Variants in DAAM2 observed in about 807,000 individuals in gnomAD.
DAAM2 encodes the protein dishevelled associated activator of morphogenesis 2.
DAAM2 carries 39 observed loss-of-function variants against 120.7 expected under a neutral mutation model. The observed-to-expected ratio is 0.32, with a 90% confidence interval of 0.25 to 0.42. The LOEUF (loss-of-function observed/expected upper bound fraction) is 0.42, where lower values mean the gene tolerates loss of function less well. Ranked by LOEUF, DAAM2 falls within the 10% of genes least tolerant of loss-of-function variation. The pLI is 1.00. For synonymous variants in DAAM2, 488 were observed against 524.9 expected, an observed-to-expected ratio of 0.93 and a Z score of 0.96; for missense variants, 1,283 against 1,401.7, an observed-to-expected ratio of 0.92 and a Z score of 1.35.
At chr6:39,865,474 G>T (rs1764390034) in intron 5 of DAAM2, among the ~76,000 whole-genome samples, 1 of 152,230 alleles carries the variant, frequency 6.6e-6, no homozygotes, top group Non-Finnish European at 1.5e-5. Flanking sequence ...CACGGGTAGA[G>T]AAGTACTCCA....
Position 39,879,362 on chromosome 6 carries a change from T to C in DAAM2, c.1730T>C (p.Met577Thr), listed in dbSNP as rs1247681515. ...TPPGAPPCLG[M>T]GLPLPQDPYP... Reference sequence around the variant, plus strand: ...CCAGGTGCCCCACCTTGCCTCGGCATGGGCCTGCCCCTCCCTCAGGACCCC... The same window carrying C: ...CCAGGTGCCCCACCTTGCCTCGGCACGGGCCTGCCCCTCCCTCAGGACCCC... The change falls in exon 14 of 25, where the codon ATG (methionine) becomes ACG (threonine). Residue 577 changes from methionine (M) to threonine (T), a missense_variant. Met to Thr is a moderately conservative substitution (Grantham distance 81). This residue lies in a region of DAAM2 where 748 missense variants were observed against 768.6 expected (regional missense o/e 0.97). Transcript: ENST00000274867. 4 of 1,501,432 alleles carry C rather than the reference T, an allele frequency of 2.7e-6. No homozygotes were observed. The highest frequency in any genetic ancestry group is 2.7e-6 in the Non-Finnish European group (3 of 1,110,354). The allele number at this position is 1,501,432 out of a possible 1,614,324, so 93.0% of individuals were successfully genotyped here.
chr6:39,852,676 G>C (rs1004407357), intron 1 of DAAM2, among the ~76,000 whole-genome samples: 2 of 152,192 alleles, frequency 1.3e-5, no homozygotes, highest in South Asian at 2.1e-4. Context: ...GAAACCCAGC[G>C]AGGAAGACCC....
chr6:39,869,851 A>G (rs921121651), intron 7 of DAAM2, among the ~76,000 whole-genome samples: 2 of 150,516 alleles, frequency 1.3e-5, no homozygotes, highest in Admixed American at 6.7e-5. Context: ...CTAAGATGCT[A>G]ACATCACCTT....
chr6:39,884,334 A>T (rs764401372), intron 15 of DAAM2: 1 of 374,884 alleles, frequency 2.7e-6, no homozygotes, highest in Non-Finnish European at 4.8e-6. Context: ...TGCTTGTATT[A>T]TGGTTCATAT....
chr6:39,870,352 T>C lies in DAAM2; in HGVS notation c.886T>C (p.Phe296Leu). The C allele has an allele frequency of 6.4e-7, 1 of 1,572,456 alleles. No homozygotes were observed. Among genetic ancestry groups the C allele is most frequent in the South Asian group, 1.2e-5 (1 of 85,526 alleles). The change falls in exon 8 of 25, where the codon TTC becomes CTC. Residue 296 changes from phenylalanine to leucine, a missense_variant. This residue lies in a region of DAAM2 where 338 missense variants were observed against 443.9 expected (regional missense o/e 0.76). Coordinates refer to ENST00000274867, the MANE Select transcript of DAAM2 (RefSeq NM_001201427.2). Reference sequence around the variant, plus strand: ...TGGTGACCCCCAGGATAATCTGGAGTTCCGCCTACATCTACGGTATGAATT... The same window carrying C: ...TGGTGACCCCCAGGATAATCTGGAGCTCCGCCTACATCTACGGTATGAATT... ...NAGAGEDNLE[F>L]RLHLRYEFLM... is the part of the protein sequence containing the mutation.
intron 1 of DAAM2, among the ~76,000 whole-genome samples, chr6:39,825,185 T>C (rs1227507092): frequency 6.6e-6 from 1 of 151,568 alleles, no homozygotes; most frequent in East Asian, 1.9e-4. Flanking sequence ...AGGTCAGGAG[T>C]CTGAAACCAG....
rs776862321 is a variant in DAAM2 at position 39,864,506 on chromosome 6, C to T, written c.332C>T (p.Ala111Val). 16 of 1,608,184 alleles carry T rather than the reference C, an allele frequency of 9.9e-6. No homozygotes were observed. Among genetic ancestry groups the T allele is most frequent in the Admixed American group, 1.7e-5 (1 of 59,560 alleles). ...ATCGACCGCATCAATTCCATGGCTGCGGTGAGTGGCTGCCCCTCTCCTGCC... is the reference window on the plus strand; with the variant it reads ...ATCGACCGCATCAATTCCATGGCTGTGGTGAGTGGCTGCCCCTCTCCTGCC... The part of the protein sequence containing the change: ...YYIDRINSMA[A>V]MQSLYAFDEE... The change falls in exon 4 of 25, where the codon GCG (alanine) becomes GTG (valine). Residue 111 changes from alanine to valine, a missense_variant and splice_region_variant. By Grantham distance (64) the Ala-to-Val change is moderately conservative. Transcript: ENST00000274867.
rs1765691792 is a variant in DAAM2, at chr6:39,891,177, G to C, written c.2146-164G>C. 5 of 578,976 alleles carry C rather than the reference G, an allele frequency of 8.6e-6. No individual in the cohort carries two copies. In the Admixed American group the frequency reaches 1.5e-4, roughly 17 times the overall value. The allele number at this position is 578,976 out of a possible 1,614,324, so 35.9% of individuals were successfully genotyped here. Reference sequence around the variant, plus strand: ...AAAGAATTTCAGAGCTGTGTGCCCTGTCATCCCCTTCAGGCAGATGAAAGA... The same window carrying C: ...AAAGAATTTCAGAGCTGTGTGCCCTCTCATCCCCTTCAGGCAGATGAAAGA... On this transcript the variant is annotated intron_variant, in intron 17 of 24. Coordinates refer to ENST00000274867, the MANE Select transcript of DAAM2 (RefSeq NM_001201427.2).
At chr6:39,873,112 G>A (rs1764727494) in intron 9 of DAAM2, 126 bp from the exon 10 acceptor site, 2 of 656,354 alleles carry the variant, frequency 3.0e-6, no homozygotes, top group African/African-American at 1.8e-5. Context: ...TTAAGCCTGG[G>A]CCAGAGGCAG....
chr6:39,875,965 AAC>A (rs1215073221), intron 11 of DAAM2, among the ~76,000 whole-genome samples: 1 of 152,132 alleles, frequency 6.6e-6, no homozygotes, highest in African/African-American at 2.4e-5. Context: ...CATTTCAAAC[AAC>A]ACACACACAC....
chr6:39,853,069 G>A (rs1322148156), intron 1 of DAAM2, among the ~76,000 whole-genome samples: 1 of 152,214 alleles, frequency 6.6e-6, no homozygotes, highest in Non-Finnish European at 1.5e-5. Context: ...GGAAGACAAG[G>A]TCTGCTGGGG....
intron 1 of DAAM2, among the ~76,000 whole-genome samples, chr6:39,844,058 G>A (rs968827932): frequency 1.3e-5 from 2 of 152,108 alleles, no homozygotes; most frequent in Non-Finnish European, 1.5e-5. Context: ...ATGTAAAAAT[G>A]GAGATCATAT....
At chr6:39,885,023 G>A (rs907692682) in intron 15 of DAAM2, 1 of 152,172 alleles carries the variant, frequency 6.6e-6, no homozygotes, top group African/African-American at 2.4e-5. Context: ...CATCTTCCTT[G>A]TTTTCTTTAC....
chr6:39,834,548 G>A (rs150588175), intron 1 of DAAM2, among the ~76,000 whole-genome samples: 95 of 152,296 alleles, frequency 6.2e-4, no homozygotes, highest in African/African-American at 2.1e-3. Flanking sequence ...AGGATCATGT[G>A]CGACATTTGA....
chr6:39,813,141 G>A (rs1286603264), intron 1 of DAAM2, among the ~76,000 whole-genome samples: 2 of 151,928 alleles, frequency 1.3e-5, no homozygotes, highest in Non-Finnish European at 2.9e-5. Flanking sequence ...GAAAGAAGAG[G>A]CAGATTGTGT....
At chr6:39,860,836 G>A in intron 2 of DAAM2, 92 bp from the exon 3 acceptor site, 1 of 1,000,196 alleles carries the variant, frequency 1.0e-6, no homozygotes, top group Non-Finnish European at 1.5e-6. Context: ...CTGAGGAACT[G>A]ATTTGGGGGA....
rs1364744323 is a variant in DAAM2 at position 39,871,589 on chromosome 6, G to C, written c.1044+17G>C. On this transcript the variant is annotated intron_variant, in intron 9 of 24. Coordinates refer to ENST00000274867, the MANE Select transcript of DAAM2 (RefSeq NM_001201427.2). ...TTTGACATGGTGAGGAGCCAGCAGG[G>C]TGGAGCGATTGCAATGGGGTAGTAG... 5.2e-6 allele frequency: 8 copies of C among 1,548,976 alleles called. No homozygotes were observed. The highest frequency in any genetic ancestry group is 1.4e-5 in the African/African-American group (1 of 72,922).
At chr6:39,802,798 G>A (rs187021800) in intron 1 of DAAM2, among the ~76,000 whole-genome samples, 9 of 152,222 alleles carry the variant, frequency 5.9e-5, no homozygotes, top group Admixed American at 3.9e-4. Flanking sequence ...CAATTTTTGA[G>A]GATGTAGCTC....
chr6:39,883,733 G>T, intron 14 of DAAM2: 1 of 493,640 alleles, frequency 2.0e-6, no homozygotes, highest in Non-Finnish European at 3.6e-6. Context: ...GTTTACATGT[G>T]GCTCCATGCA....
Sources: allele counts gnomAD v4.1 joint callset (sites outside exome capture counted in the v4.1 genomes callset), GRCh38; gene constraint gnomAD v4.1.1; regional missense constraint gnomAD v4.1.1; transcripts MANE v1.5; gene names NCBI Gene and HGNC (gene_info 2026-07-23, HGNC 2026-07-21).